LRIG3: variants seen among roughly 807,000 people sequenced by gnomAD.
LRIG3 encodes the protein leucine-rich repeats and immunoglobulin-like domains protein 3.
A neutral mutation model predicts 114.5 loss-of-function variants in LRIG3; 76 were observed. The observed-to-expected ratio is 0.66, with a 90% CI of 0.55 to 0.80. The LOEUF is 0.80. Among genes scored for constraint, LRIG3 ranks in the 30% least tolerant of loss-of-function variants. LRIG3 has a pLI of 0.00. For synonymous variants in LRIG3, 512 were observed against 519.8 expected, an observed-to-expected ratio of 0.98 and a Z score of 0.20; for missense variants, 1,239 against 1,382.8, an observed-to-expected ratio of 0.90 and a Z score of 1.65.
At chr12:58,906,075 G>A (rs1872053568) in intron 3 of LRIG3, among the ~76,000 whole-genome samples, 1 of 152,060 alleles carries the variant, frequency 6.6e-6, no homozygotes, top group African/African-American at 2.4e-5. Context: ...CAGTAAAGAT[G>A]TCAAATTCCA....
Position 58,878,932 on chromosome 12 carries a change from C to T in LRIG3, c.1975G>A (p.Asp659Asn), listed in dbSNP as rs377070119. 16 of 1,614,232 alleles carry T rather than the reference C, an allele frequency of 9.9e-6. No individual in the cohort carries two copies. The East Asian group carries it at 3.6e-4, about 36-fold the overall frequency. ...ERRMHVMPED[D>N]VFFIVDVKIE... ...TTCACATCCACGATAAAGAACACGT[C>T]ATCCTCGGGCATCACATGCATGCGT... is the stretch of plus-strand genomic sequence containing the variant. The change falls in exon 14 of 19, where the codon GAC (aspartate) becomes AAC (asparagine). Residue 659 changes from aspartate to asparagine, a missense_variant. By Grantham distance (23) the Asp-to-Asn change is conservative (BLOSUM62 1). Transcript: ENST00000320743.
At chr12:58,881,686 A>T (rs961035027) in intron 12 of LRIG3, among the ~76,000 whole-genome samples, 3 of 152,228 alleles carry the variant, frequency 2.0e-5, no homozygotes, top group African/African-American at 7.2e-5. Context: ...GATCTACCAA[A>T]GCGTACCATT....
rs373152941 is a variant in LRIG3 at position 58,898,085 on chromosome 12, T to C, written c.384-7289A>G. On this transcript the variant is annotated intron_variant, in intron 3 of 18. Coordinates refer to ENST00000320743, the MANE Select transcript of LRIG3 (RefSeq NM_153377.5). ...TAACTTAGCTATTGTTCAAAATGCA[T>C]ATGAACATCAGAAAACAAAATGTCC... is the stretch of plus-strand genomic sequence containing the variant. 3.3e-5 allele frequency among the ~76,000 whole-genome samples: 5 copies of C among 152,344 alleles called. No homozygotes were observed. In the East Asian group the frequency reaches 9.6e-4, roughly 29 times the overall value.
chr12:58,887,670 G>A, intron 8 of LRIG3, 119 bp downstream of exon 8: 1 of 1,033,444 alleles, frequency 9.7e-7, no homozygotes, highest in East Asian at 2.4e-5. Context: ...GAAAGATTAA[G>A]ATACTACTTC....
At chr12:58,882,095 C>G (rs17617428) in intron 12 of LRIG3, among the ~76,000 whole-genome samples, 5,423 of 152,250 alleles carry the variant, frequency 0.036, 154 homozygotes, top group Non-Finnish European at 0.051. Flanking sequence ...GTGGACAAAG[C>G]AGTTTTAAGT....
chr12:58,903,515 T>A (rs1871946777), intron 3 of LRIG3, among the ~76,000 whole-genome samples: 1 of 152,188 alleles, frequency 6.6e-6, no homozygotes, highest in African/African-American at 2.4e-5. Flanking sequence ...TTTTGCAGGT[T>A]GCCTGTTCAC....
Position 58,890,031 on chromosome 12 carries a change from T to G in LRIG3, c.624A>C (p.Pro208=). Residue 208 remains proline, a synonymous_variant, in exon 5 of 19, where the codon CCA becomes CCC. Coordinates refer to ENST00000320743, the MANE Select transcript of LRIG3 (RefSeq NM_153377.5). ...KLNRNRISAI[P]PKMFKLPQLQ... ...GTTGGGGCAGTTTAAACATCTTGGG[T>G]GGGATAGCTGAGATTCGGTTCCTGT... is the stretch of plus-strand genomic sequence containing the variant. 3.1e-6 allele frequency: 5 copies of G among 1,613,808 alleles called. No homozygotes were observed. The highest frequency in any genetic ancestry group is 4.2e-6 in the Non-Finnish European group (5 of 1,179,810).
intron 3 of LRIG3, among the ~76,000 whole-genome samples, chr12:58,895,820 G>A (rs1276207496): frequency 6.6e-6 from 1 of 152,156 alleles, no homozygotes; most frequent in Non-Finnish European, 1.5e-5. Flanking sequence ...GATGACGAGC[G>A]ACCTTGATGC....
chr12:58,888,578 T>TG, intron 6 of LRIG3, 106 bp from the exon 7 acceptor site: 1 of 1,439,760 alleles, frequency 6.9e-7, no homozygotes, highest in Non-Finnish European at 9.3e-7. Flanking sequence ...TGTTATTAGA[T>TG]GTTTAGCTTT....
At chr12:58,889,945 C>T (rs772721485) in intron 5 of LRIG3, 51 bp downstream of exon 5, 1 of 1,580,874 alleles carries the variant, frequency 6.3e-7, no homozygotes, top group Non-Finnish European at 8.6e-7. Flanking sequence ...GAAAAGACAC[C>T]AAGGGTTTGG....
chr12:58,915,907 C>T (rs1439898187), intron 1 of LRIG3, among the ~76,000 whole-genome samples: 3 of 152,150 alleles, frequency 2.0e-5, no homozygotes, highest in Non-Finnish European at 4.4e-5. Flanking sequence ...GAGTCTTTCA[C>T]CTGGGAGGTA....
chr12:58,873,319 C>T (rs1870799116), intron 18 of LRIG3, among the ~76,000 whole-genome samples: 1 of 152,008 alleles, frequency 6.6e-6, no homozygotes, highest in Non-Finnish European at 1.5e-5. Context: ...TTAATTTTTT[C>T]CAAAAAAGGA....
chr12:58,887,226 C>T (rs1450326460), intron 8 of LRIG3, among the ~76,000 whole-genome samples: 1 of 152,088 alleles, frequency 6.6e-6, no homozygotes, highest in Non-Finnish European at 1.5e-5. Flanking sequence ...AGAAGTTCGC[C>T]AAAGCATACA....
chr12:58,900,579 T>C (rs1315511732), intron 3 of LRIG3, among the ~76,000 whole-genome samples: 1 of 152,198 alleles, frequency 6.6e-6, no homozygotes, highest in Admixed American at 6.5e-5. Flanking sequence ...AATAAAACCA[T>C]TAAGTTACTA....
At chr12:58,894,808 A>G (rs1446456348) in intron 3 of LRIG3, among the ~76,000 whole-genome samples, 2 of 152,238 alleles carry the variant, frequency 1.3e-5, no homozygotes, top group Non-Finnish European at 2.9e-5. Context: ...AAATACTGGA[A>G]GGTGTTTCAG....
At chr12:58,887,710 A>C in intron 8 of LRIG3, 79 bp downstream of exon 8, 1 of 1,498,854 alleles carries the variant, frequency 6.7e-7, no homozygotes, top group Non-Finnish European at 9.1e-7. Flanking sequence ...TTGACAACAA[A>C]GGAAATCTGC....
intron 17 of LRIG3, 37 bp from the exon 18 acceptor site, chr12:58,874,367 A>C (rs1057031337): frequency 2.5e-6 from 4 of 1,608,826 alleles, no homozygotes; most frequent in Non-Finnish European, 3.4e-6. Flanking sequence ...AGGAGATTAC[A>C]GTTAGCACAT....
chr12:58,893,648 C>T (rs77116922), intron 3 of LRIG3, among the ~76,000 whole-genome samples: 91 of 152,232 alleles, frequency 6.0e-4, no homozygotes, highest in African/African-American at 1.9e-3. Context: ...CCAGGAGACA[C>T]GCCACAAGGC....
intron 8 of LRIG3, among the ~76,000 whole-genome samples, chr12:58,887,294 G>C (rs1871308026): frequency 6.6e-6 from 1 of 152,134 alleles, no homozygotes; most frequent in Non-Finnish European, 1.5e-5. Flanking sequence ...GTTTCTGACA[G>C]AGCAAAAATC....
Sources: allele counts gnomAD v4.1 joint callset (sites outside exome capture counted in the v4.1 genomes callset), GRCh38; gene constraint gnomAD v4.1.1; transcripts MANE v1.5; gene names NCBI Gene and HGNC (gene_info 2026-07-23, HGNC 2026-07-21).